Variants in EML6 observed in about 807,000 individuals in gnomAD.
The protein encoded by EML6 is EMAP like 6, also known as echinoderm microtubule-associated protein-like 6.
A neutral mutation model predicts 240.1 loss-of-function variants in EML6; 154 were observed. That is an observed-to-expected ratio of 0.64 (90% confidence interval 0.56 to 0.73). The LOEUF (loss-of-function observed/expected upper bound fraction) is 0.73, where lower values mean the gene tolerates loss of function less well. Among genes scored for constraint, EML6 ranks in the 30% least tolerant of loss-of-function variants. The pLI is 0.00. For synonymous variants in EML6, 1,148 were observed against 899.0 expected (o/e 1.28, Z -4.95); for missense variants, 2,964 against 2,474.6 (o/e 1.20, Z -4.20).
chr2:54,824,359 C>T (rs111413973), intron 5 of EML6, among the ~76,000 whole-genome samples: 38 of 152,262 alleles, frequency 2.5e-4, no homozygotes, highest in East Asian at 9.7e-4. Flanking sequence ...AATGTCTACC[C>T]AGCAATACTT....
intron 16 of EML6, 85 bp downstream of exon 16, chr2:54,871,690 C>CGT (rs759639840): frequency 7.4e-6 from 7 of 943,400 alleles, no homozygotes; most frequent in Admixed American, 6.0e-5. Flanking sequence ...TGCGCGCACG[C>CGT]GTGTGTGTGT....
At chr2:54,844,826 C>G (rs1669663406) in intron 8 of EML6, among the ~76,000 whole-genome samples, 1 of 152,164 alleles carries the variant, frequency 6.6e-6, no homozygotes, top group South Asian at 2.1e-4. Context: ...GAGAGCCCAA[C>G]TGGGTAAAAT....
At chr2:54,782,913 C>G (rs562361224) in intron 2 of EML6, among the ~76,000 whole-genome samples, 1 of 152,102 alleles carries the variant, frequency 6.6e-6, no homozygotes, top group African/African-American at 2.4e-5. Context: ...AGGTTAGCAC[C>G]TAATTTAGGG....
At chr2:54,806,111 A>G (rs1473629215) in intron 2 of EML6, among the ~76,000 whole-genome samples, 8 of 152,194 alleles carry the variant, frequency 5.3e-5, no homozygotes, top group Admixed American at 2.6e-4. Flanking sequence ...ATGTATGTAT[A>G]TACATATATA....
intron 26 of EML6, among the ~76,000 whole-genome samples, chr2:54,918,647 G>A (rs185210380): frequency 6.6e-6 from 1 of 151,970 alleles, no homozygotes; most frequent in African/African-American, 2.4e-5. Context: ...ATACCCAGCT[G>A]TCATTCTGTT....
chr2:54,845,945 G>A (rs1669727889), intron 8 of EML6, among the ~76,000 whole-genome samples: 1 of 152,182 alleles, frequency 6.6e-6, no homozygotes, highest in African/African-American at 2.4e-5. Flanking sequence ...AGTACTAATT[G>A]ATGGAAGTCA....
chr2:54,937,553 T>TAAAAAAAA (rs34682923), intron 28 of EML6, among the ~76,000 whole-genome samples: 1 of 68,150 alleles, frequency 1.5e-5, no homozygotes. Context: ...ACTCTGTCTT[T>TAAAAAAAA]AAAAAAAAAA....
chr2:54,796,379 A>G (rs995035868), intron 2 of EML6, among the ~76,000 whole-genome samples: 2 of 152,182 alleles, frequency 1.3e-5, no homozygotes, highest in Non-Finnish European at 2.9e-5. Flanking sequence ...CAGAGAATCC[A>G]TTTCTTAAAG....
At chr2:54,871,688 C>A in intron 16 of EML6, 83 bp downstream of exon 16, 1 of 964,652 alleles carries the variant, frequency 1.0e-6, no homozygotes, top group Non-Finnish European at 1.6e-6. Context: ...CATGCGCGCA[C>A]GCGTGTGTGT....
At chr2:54,964,995 G>T (rs989111530) in intron 38 of EML6, among the ~76,000 whole-genome samples, 1 of 152,332 alleles carries the variant, frequency 6.6e-6, no homozygotes, top group Admixed American at 6.5e-5. Context: ...TCTTTAATCT[G>T]CCCCTCACCA....
chr2:54,813,136 C>T, intron 2 of EML6, 96 bp from the exon 3 acceptor site: 1 of 865,728 alleles, frequency 1.2e-6, no homozygotes, highest in Non-Finnish European at 1.8e-6. Context: ...TTGAGATCAC[C>T]TTGTTAGATA....
Position 54,725,302 on chromosome 2 carries a change from G to T in EML6, c.197+44G>T. On this transcript the variant is annotated intron_variant, in intron 2 of 41. Transcript: ENST00000356458. The surrounding 1 kb of genome is among the most constrained non-coding windows in gnomAD (Gnocchi z 4.3). ...GCGGCGGGGAGGGGTTGCGTGTGGA[G>T]GCTGGGAAGGTGGGAAGCGGTTGAC... 1 of 1,361,270 alleles carries T rather than the reference G, an allele frequency of 7.3e-7. No homozygotes were observed. The highest frequency in any genetic ancestry group is 9.6e-7 in the Non-Finnish European group (1 of 1,036,418). The allele number at this position is 1,361,270 out of a possible 1,614,324, so 84.3% of individuals were successfully genotyped here.
At chr2:54,879,523 G>C in intron 16 of EML6, 24 bp from the exon 17 acceptor site, 1 of 1,491,632 alleles carries the variant, frequency 6.7e-7, no homozygotes, top group Non-Finnish European at 9.1e-7. Flanking sequence ...AAGAAATTTT[G>C]ACATTTGTGT....
intron 37 of EML6, 95 bp downstream of exon 37, chr2:54,964,253 G>T: frequency 2.4e-6 from 3 of 1,270,666 alleles, no homozygotes; most frequent in Non-Finnish European, 2.1e-6. Flanking sequence ...AAAGAACTCA[G>T]TTGTGAGAGG....
At position 54,820,396 on chromosome 2, in the gene EML6, T is replaced by A; in HGVS notation, c.459T>A (p.Ile153=). 1 of 1,548,216 alleles carries A rather than the reference T, an allele frequency of 6.5e-7. No individual in the cohort carries two copies. The highest frequency in any genetic ancestry group is 1.2e-5 in the South Asian group (1 of 83,628). The part of the protein sequence containing the change: ...LASATGHSDR[I]FDISWDPYQP... ...GCAACTTTTAATGTTTTGAACAGAT[T>A]TTTGATATTTCCTGGGATCCATATC... Residue 153 remains isoleucine, a splice_region_variant and synonymous_variant, in exon 5 of 42, where the codon ATT becomes ATA. Transcript: ENST00000356458.
intron 7 of EML6, among the ~76,000 whole-genome samples, chr2:54,841,827 A>G (rs1291117642): frequency 6.8e-6 from 1 of 147,746 alleles, no homozygotes; most frequent in Non-Finnish European, 1.5e-5. Context: ...TCCTGGCCTC[A>G]AGCGATCTGC....
intron 24 of EML6, among the ~76,000 whole-genome samples, chr2:54,909,530 T>A (rs1673527513): frequency 6.6e-6 from 1 of 152,108 alleles, no homozygotes. Flanking sequence ...CAGGTAGAAG[T>A]AGATCTACAA....
intron 2 of EML6, among the ~76,000 whole-genome samples, chr2:54,767,597 A>AGTGTGT (rs111232633): frequency 0.019 from 2,796 of 145,520 alleles, 32 homozygotes; most frequent in African/African-American, 0.028. Flanking sequence ...TGGTATGAAG[A>AGTGTGT]GTGTGTGTGT....
chr2:54,728,665 T>C (rs990327578), intron 2 of EML6, among the ~76,000 whole-genome samples: 2 of 151,940 alleles, frequency 1.3e-5, no homozygotes, highest in African/African-American at 2.4e-5. Context: ...ATGCAAAGGG[T>C]TTAGTGTGGG....
Sources: gnomAD v4.1 joint callset for allele counts (sites outside exome capture counted in the v4.1 genomes callset) on GRCh38, gnomAD v4.1.1 for gene constraint, Gnocchi (gnomAD v3.1) non-coding constraint, MANE v1.5 for transcripts, NCBI Gene and HGNC (gene_info 2026-07-23, HGNC 2026-07-21) for gene names.